The following CALB2 variants were observed in gnomAD, a reference collection of about 807,000 sequenced individuals.
CALB2 encodes calretinin.
A neutral mutation model predicts 45.9 loss-of-function variants in CALB2; 34 were observed. The observed-to-expected ratio is 0.74, with a 90% CI of 0.56 to 0.99. The LOEUF (loss-of-function observed/expected upper bound fraction) is 0.99. Among genes scored for constraint, CALB2 ranks in the 50% least tolerant of loss-of-function variants. The pLI is 0.00. For synonymous variants in CALB2, 142 were observed against 129.6 expected, an observed-to-expected ratio of 1.10 and a Z score of -0.65; for missense variants, 344 against 339.3, an observed-to-expected ratio of 1.01 and a Z score of -0.11.
chr16:71,384,934 GT>G (rs1487165207), intron 9 of CALB2, 98 bp downstream of exon 9: 1 of 1,047,724 alleles, frequency 9.5e-7, no homozygotes, highest in Non-Finnish European at 1.5e-6. Flanking sequence ...CTTTCCAGGG[GT>G]GGCCTGGGCC....
intron 2 of CALB2, among the ~76,000 whole-genome samples, chr16:71,374,010 C>T (rs544828232): frequency 1.3e-5 from 2 of 152,240 alleles, no homozygotes; most frequent in African/African-American, 2.4e-5. Flanking sequence ...AAACATCAGC[C>T]GTGCAAGGTG....
intron 4 of CALB2, among the ~76,000 whole-genome samples, chr16:71,380,547 G>A (rs2042479263): frequency 2.0e-5 from 3 of 151,780 alleles, no homozygotes; most frequent in Admixed American, 6.6e-5. Flanking sequence ...ACCTCAGGTG[G>A]TCTGCCCACC....
chr16:71,377,927 G>C (rs935742166), intron 4 of CALB2, among the ~76,000 whole-genome samples, 180 bp downstream of exon 4: 4 of 152,182 alleles, frequency 2.6e-5, no homozygotes, highest in Non-Finnish European at 5.9e-5. Context: ...GTGCCTGTTA[G>C]AAAACAGAAA....
intron 1 of CALB2, among the ~76,000 whole-genome samples, chr16:71,366,018 C>CTTTTTT (rs1567534804): frequency 7.0e-5 from 2 of 28,744 alleles, no homozygotes; most frequent in East Asian, 4.0e-4. Context: ...TCTTCCCTCT[C>CTTTTTT]TCTCTCTTTT....
chr16:71,377,760 C>T lies in CALB2; in HGVS notation c.342+13C>T, dbSNP rs1367290281. 2.5e-6 allele frequency: 4 copies of T among 1,604,076 alleles called. No individual in the cohort carries two copies. The highest frequency in any genetic ancestry group is 4.5e-5 in the East Asian group (2 of 44,842). ...CGAGTTTATGGAGGTGAGGCCAAGG[C>T]ACCACCTTCTTTCTAAGCACTGGGA... On this transcript the variant is annotated intron_variant, in intron 4 of 10. Coordinates refer to ENST00000302628, the MANE Select transcript of CALB2 (RefSeq NM_001740.5).
chr16:71,384,169 A>G, intron 7 of CALB2, 144 bp downstream of exon 7: 1 of 1,044,048 alleles, frequency 9.6e-7, no homozygotes, highest in Non-Finnish European at 1.5e-6. Flanking sequence ...TGTGACCGTC[A>G]ACACCTCACC....
intron 2 of CALB2, among the ~76,000 whole-genome samples, chr16:71,374,245 C>A (rs919130663): frequency 2.0e-5 from 3 of 152,160 alleles, no homozygotes; most frequent in African/African-American, 7.2e-5. Context: ...TCATGTTCCT[C>A]CTGATATGAA....
At chr16:71,370,094 C>T (rs1339028853) in intron 1 of CALB2, among the ~76,000 whole-genome samples, 1 of 152,194 alleles carries the variant, frequency 6.6e-6, no homozygotes, top group Non-Finnish European at 1.5e-5. Flanking sequence ...ATTCTGCGAG[C>T]CCATTGCAAT....
At chr16:71,384,500 C>CA in intron 8 of CALB2, 122 bp downstream of exon 8, 1 of 797,636 alleles carries the variant, frequency 1.3e-6, no homozygotes, top group Non-Finnish European at 2.2e-6. Context: ...CACACACACA[C>CA]AAAACACACC....
At chr16:71,376,838 A>G (rs1177883897) in intron 3 of CALB2, among the ~76,000 whole-genome samples, 1 of 152,194 alleles carries the variant, frequency 6.6e-6, no homozygotes, top group Non-Finnish European at 1.5e-5. Context: ...CCCAAATACA[A>G]CCATATCCAA....
At chr16:71,368,277 C>T (rs1228934034) in intron 1 of CALB2, among the ~76,000 whole-genome samples, 1 of 152,200 alleles carries the variant, frequency 6.6e-6, no homozygotes, top group African/African-American at 2.4e-5. Context: ...AATCCCAGCA[C>T]TTTGGGAGGC....
chr16:71,390,004 G>A lies in CALB2; in HGVS notation c.*139G>A, dbSNP rs1171126857. On this transcript the variant is annotated 3_prime_UTR_variant, in exon 11 of 11. Coordinates refer to ENST00000302628, the MANE Select transcript of CALB2 (RefSeq NM_001740.5). ...CACACCTGCCTGCAGAGCAGGAAAT[G>A]AGAGATAGAGGATGGGCAGCTGGGG... 14 of 629,776 alleles carry A rather than the reference G, an allele frequency of 2.2e-5. No individual in the cohort carries two copies. The highest frequency in any genetic ancestry group is 1.3e-4 in the Admixed American group (5 of 37,680). The allele number at this position is 629,776 out of a possible 1,614,324, so 39.0% of individuals were successfully genotyped here.
rs183211263 is a variant in CALB2, at chr16:71,360,120, G to A, written c.94+1234G>A. ...TATCCTGGGGTCTGAGAGCAAGGGG[G>A]ATGGAAAACAGAGGGGCATCAGGTG... On this transcript the variant is annotated intron_variant, in intron 1 of 10. Transcript: ENST00000302628. Among the ~76,000 whole-genome samples the A allele has an allele frequency of 1.3e-4, 20 of 152,336 alleles. No homozygotes were observed. The East Asian group carries it at 2.7e-3, about 21-fold the overall frequency.
intron 9 of CALB2, 39 bp downstream of exon 9, chr16:71,384,875 C>T: frequency 6.4e-7 from 1 of 1,565,068 alleles, no homozygotes; most frequent in Non-Finnish European, 8.8e-7. Context: ...AAATCAGAAG[C>T]CCATCAGCCC....
At chr16:71,374,427 T>C (rs1331671523) in intron 2 of CALB2, among the ~76,000 whole-genome samples, 2 of 152,212 alleles carry the variant, frequency 1.3e-5, no homozygotes, top group East Asian at 1.9e-4. Flanking sequence ...ATCTGAGTGA[T>C]GGGAACAAGT....
chr16:71,381,299 C>G (rs2042488530), intron 4 of CALB2, among the ~76,000 whole-genome samples: 2 of 151,940 alleles, frequency 1.3e-5, no homozygotes, highest in African/African-American at 4.8e-5. Flanking sequence ...TTCAAAGAGT[C>G]TAAGGCATTT....
At chr16:71,368,463 C>T (rs1481443481) in intron 1 of CALB2, among the ~76,000 whole-genome samples, 1 of 152,162 alleles carries the variant, frequency 6.6e-6, no homozygotes, top group African/African-American at 2.4e-5. Flanking sequence ...AGCCGTGATC[C>T]AGCCACTGCA....
chr16:71,368,750 G>A (rs78697599), intron 1 of CALB2, among the ~76,000 whole-genome samples: 4,975 of 152,084 alleles, frequency 0.033, 282 homozygotes, highest in African/African-American at 0.11. Flanking sequence ...AACCCACACA[G>A]GTCTTACCCA....
intron 4 of CALB2, 83 bp from the exon 5 acceptor site, chr16:71,382,636 G>C: frequency 7.7e-7 from 1 of 1,298,706 alleles, no homozygotes; most frequent in Admixed American, 1.8e-5. Context: ...AAGACCCTGG[G>C]TGGCCCATTA....
Sources: gnomAD v4.1 joint callset for allele counts (sites outside exome capture counted in the v4.1 genomes callset) on GRCh38, gnomAD v4.1.1 for gene constraint, MANE v1.5 for transcripts, NCBI Gene and HGNC (gene_info 2026-07-23, HGNC 2026-07-21) for gene names.